Variants in ANK2 observed in about 807,000 individuals in gnomAD.
ANK2 encodes ankyrin 2, also known as ankyrin-2.
In ANK2, 83 loss-of-function variants were observed where a neutral mutation model predicts 360.5. The observed-to-expected ratio is 0.23, with a 90% CI of 0.19 to 0.28. The LOEUF is 0.28. ANK2 is among the 10% of genes least tolerant of loss of function. The pLI, the probability that ANK2 is intolerant of heterozygous loss-of-function variation, is 1.00. For synonymous variants in ANK2, 1,740 were observed against 1,759.5 expected, an observed-to-expected ratio of 0.99 and a Z score of 0.28; for missense variants, 4,201 against 4,795.7, an observed-to-expected ratio of 0.88 and a Z score of 3.66.
At chr4:113,234,738 A>G (rs1563067537) in intron 5 of ANK2, among the ~76,000 whole-genome samples, 1 of 152,230 alleles carries the variant, frequency 6.6e-6, no homozygotes, top group Non-Finnish European at 1.5e-5. Context: ...TTAAAGTTCA[A>G]TAATTGTGAG....
chr4:113,145,490 A>T, intron 1 of ANK2: 5 of 577,698 alleles, frequency 8.7e-6, no homozygotes, highest in South Asian at 7.1e-5. Context: ...GCAGGAACTT[A>T]AGTCCATGTG....
At chr4:113,277,763 G>T in intron 15 of ANK2, 74 bp from the exon 16 acceptor site, 1 of 1,247,172 alleles carries the variant, frequency 8.0e-7, no homozygotes, top group Admixed American at 1.7e-5. Flanking sequence ...TGCTCAATAT[G>T]TTAACAAATA....
At chr4:112,957,638 G>C (rs559490961) in intron 2 of ANK2, among the ~76,000 whole-genome samples, 2 of 147,926 alleles carry the variant, frequency 1.4e-5, no homozygotes, top group East Asian at 2.0e-4. Flanking sequence ...CTGGCCGGGC[G>C]GGGGGCTGAC....
chr4:112,892,209 G>A lies in ANK2; in HGVS notation c.-39-12246G>A, dbSNP rs564257059. The stretch of plus-strand genomic sequence containing the variant: ...GGGGAAGGAAGGGATGGAAATGGAA[G>A]AGGCCATTACACAAATGCTATCTAC... On this transcript the variant is annotated intron_variant, in intron 1 of 30. Transcript: ENST00000503271. Among the ~76,000 whole-genome samples, 11 of 152,088 alleles carry A rather than the reference G, an allele frequency of 7.2e-5. 1 individual carries two copies. In the South Asian group the frequency reaches 2.1e-3, roughly 29 times the overall value.
At chr4:113,317,490 C>G (rs568474610) in intron 24 of ANK2, 17 of 594,600 alleles carry the variant, frequency 2.9e-5, no homozygotes, top group Non-Finnish European at 5.2e-5. Context: ...TCTGGATTCC[C>G]TTGTGCTCTT....
At chr4:112,737,408 G>A in the ANK2 span, among the ~76,000 whole-genome samples, 1 of 152,188 alleles carries the variant, frequency 6.6e-6, no homozygotes, top group Admixed American at 6.5e-5. Context: ...TTTGTGAAAT[G>A]TAAATATCCA....
chr4:112,718,075 T>C, the ANK2 span, among the ~76,000 whole-genome samples: 2 of 152,234 alleles, frequency 1.3e-5, no homozygotes, highest in South Asian at 2.1e-4. Flanking sequence ...TCTTGCCTTC[T>C]TCCTTCCTGT....
At chr4:113,117,231 G>A in intron 1 of ANK2, 3 of 451,156 alleles carry the variant, frequency 6.6e-6, no homozygotes, top group South Asian at 3.1e-5. Context: ...AAATCACCTG[G>A]ATTGCTGGGG....
At chr4:113,155,056 A>T (rs1167720936) in intron 1 of ANK2, among the ~76,000 whole-genome samples, 3 of 152,258 alleles carry the variant, frequency 2.0e-5, no homozygotes, top group Non-Finnish European at 4.4e-5. Context: ...AAAGAAATGT[A>T]TGAATGTGTA....
intron 22 of ANK2, among the ~76,000 whole-genome samples, chr4:113,293,890 T>C (rs2069397971): frequency 1.3e-5 from 2 of 152,350 alleles, no homozygotes. Flanking sequence ...CACACTCCAC[T>C]GCAAACTTAC....
intron 2 of ANK2, among the ~76,000 whole-genome samples, chr4:112,932,147 G>GAGACGGGTGGATCACA (rs2093300201): frequency 6.6e-6 from 1 of 152,084 alleles, no homozygotes; most frequent in South Asian, 2.1e-4. Context: ...ACAAGGTCAG[G>GAGACGGGTGGATCACA]AGATCAAGAC....
Position 113,355,247 on chromosome 4 carries a change from T to A in ANK2, c.6629T>A (p.Val2210Glu). Residue 2210 changes from valine to glutamate, a missense_variant, in exon 38 of 46, where the codon GTA becomes GAA. Transcript: ENST00000357077. ...TCTGAAAGCCTAAAGAATGAGGGGG[T>A]AGCCGGCTCTCCGTGTGGCAGCCTG... ...GSSESLKNEG[V>E]AGSPCGSLME... 6.2e-7 allele frequency: 1 copy of A among 1,613,696 alleles called. No homozygotes were observed. Among genetic ancestry groups the A allele is most frequent in the Non-Finnish European group, 8.5e-7 (1 of 1,179,884 alleles).
intron 1 of ANK2, among the ~76,000 whole-genome samples, chr4:113,074,183 T>C (rs2078957764): frequency 6.6e-6 from 1 of 152,206 alleles, no homozygotes; most frequent in Non-Finnish European, 1.5e-5. Flanking sequence ...TTCTTCCCAG[T>C]GTACAAATAT....
the ANK2 span, among the ~76,000 whole-genome samples, chr4:112,784,881 T>C: frequency 6.6e-6 from 1 of 152,212 alleles, no homozygotes; most frequent in Non-Finnish European, 1.5e-5. Context: ...CATTTGGTCT[T>C]ACAGAAAAAT....
At chr4:112,778,403 C>T in the ANK2 span, among the ~76,000 whole-genome samples, 5 of 152,084 alleles carry the variant, frequency 3.3e-5, no homozygotes, top group Non-Finnish European at 5.9e-5. Flanking sequence ...AACCCCCAAC[C>T]TCAAGTAATC....
the ANK2 span, among the ~76,000 whole-genome samples, chr4:112,743,554 C>CT: frequency 0.5 from 53,330 of 105,728 alleles, 15,258 homozygotes; most frequent in East Asian, 0.88. Context: ...CTTTTCTATC[C>CT]TTTTTTTTTT....
rs778357984 is a variant in ANK2, at chr4:113,353,669, C to T, written c.5051C>T (p.Pro1684Leu). ...GAAAAGGAAGGGAAAGACATACCCC[C>T]AGATGAGACACAGAGTACACAGAAA... ...SSEKEGKDIPPDETQSTQKQH... is the reference protein window; with the variant it reads ...SSEKEGKDIPLDETQSTQKQH... The change falls in exon 38 of 46, where the codon CCA (proline) becomes CTA (leucine). Residue 1684 changes from proline to leucine, a missense_variant. Pro to Leu is a moderately conservative substitution (Grantham distance 98). Around this residue, in one of 4 missense-constraint regions of ANK2, gnomAD observed 2,642 missense variants for 2,714.5 expected, o/e 0.97. Coordinates refer to ENST00000357077, the MANE Select transcript of ANK2 (RefSeq NM_001148.6). The T allele has an allele frequency of 7.4e-6, 12 of 1,613,870 alleles. No homozygotes were observed. The Admixed American group carries it at 1.5e-4, about 20-fold the overall frequency.
intron 1 of ANK2, among the ~76,000 whole-genome samples, chr4:112,883,124 C>T (rs991591763): frequency 2.1e-5 from 3 of 142,246 alleles, no homozygotes; most frequent in Admixed American, 7.6e-5. Flanking sequence ...CTGCAACCTC[C>T]GTCTCCCTGG....
chr4:113,156,213 A>G (rs1266396471), intron 1 of ANK2, among the ~76,000 whole-genome samples: 1 of 152,220 alleles, frequency 6.6e-6, no homozygotes, highest in African/African-American at 2.4e-5. Context: ...CTATCCATAG[A>G]CTATTATATG....
Sources: allele counts gnomAD v4.1 joint callset (sites outside exome capture counted in the v4.1 genomes callset), GRCh38; gene constraint gnomAD v4.1.1; regional missense constraint gnomAD v4.1.1; transcripts MANE v1.5; gene names NCBI Gene and HGNC (gene_info 2026-07-23, HGNC 2026-07-21).